The following AKT3 variants were observed in gnomAD, a reference collection of about 807,000 sequenced individuals.
The protein encoded by AKT3 is RAC-gamma serine/threonine-protein kinase.
AKT3 carries 15 observed loss-of-function variants against 65.3 expected under a neutral mutation model. That is an observed-to-expected ratio of 0.23 (90% CI 0.15 to 0.35). The LOEUF (loss-of-function observed/expected upper bound fraction) is 0.35. Ranked by LOEUF, AKT3 falls within the 10% of genes least tolerant of loss-of-function variation. The probability of loss-of-function intolerance (pLI) is 1.00; values close to 1 mark genes in which losing one functional copy is unlikely to be tolerated. For missense variants in AKT3, 243 were observed against 576.5 expected (o/e 0.42, Z 5.92); for synonymous variants, 206 against 183.8 (o/e 1.12, Z -0.98).
chr1:243,710,637 A>T (rs1314435541), intron 2 of AKT3, among the ~76,000 whole-genome samples: 1 of 152,216 alleles, frequency 6.6e-6, no homozygotes, highest in African/African-American at 2.4e-5. Flanking sequence ...CCGGATGAAA[A>T]CAATTTGAAA....
chr1:243,584,100 A>G (rs1675618739), intron 8 of AKT3, among the ~76,000 whole-genome samples: 1 of 152,158 alleles, frequency 6.6e-6, no homozygotes, highest in Non-Finnish European at 1.5e-5. Context: ...AAAAGAGAGA[A>G]GATATAAATA....
chr1:243,590,992 G>C (rs1676187449), intron 8 of AKT3, among the ~76,000 whole-genome samples: 1 of 151,608 alleles, frequency 6.6e-6, no homozygotes, highest in African/African-American at 2.4e-5. Context: ...CACAGGGAGA[G>C]GAAAACAAAA....
At chr1:243,679,516 G>A (rs1454606332) in intron 3 of AKT3, among the ~76,000 whole-genome samples, 1 of 152,176 alleles carries the variant, frequency 6.6e-6, no homozygotes, top group Non-Finnish European at 1.5e-5. Flanking sequence ...ATAAGACAAA[G>A]TTCTGTAAGT....
intron 2 of AKT3, among the ~76,000 whole-genome samples, chr1:243,769,733 T>C (rs1690057702): frequency 6.6e-6 from 1 of 152,238 alleles, no homozygotes; most frequent in Non-Finnish European, 1.5e-5. Context: ...TCCCATACTC[T>C]ATTCTTTTCA....
rs987784074 is a variant in AKT3, at chr1:243,499,927, CG to C, written c.*5321del. On this transcript the variant is annotated 3_prime_UTR_variant, in exon 14 of 14. Coordinates refer to ENST00000673466, the MANE Select transcript of AKT3 (RefSeq NM_005465.7). ...GCAGTGGGGCTGGTCCTCATCAACG[CG>C]GGCGCTGTCCCCGCACGCAGTCGGG... 7.9e-6 allele frequency: 6 copies of C among 762,950 alleles called. No homozygotes were observed. Among genetic ancestry groups the C allele is most frequent in the South Asian group, 7.3e-5 (5 of 68,684 alleles). The allele number at this position is 762,950 out of a possible 1,614,324, so 47.3% of individuals were successfully genotyped here.
intron 13 of AKT3, among the ~76,000 whole-genome samples, chr1:243,505,640 C>G (rs914079056): frequency 6.6e-6 from 1 of 152,208 alleles, no homozygotes; most frequent in African/African-American, 2.4e-5. Flanking sequence ...GAGCAGTCTT[C>G]AGTAACCTTT....
upstream of AKT3, among the ~76,000 whole-genome samples, chr1:243,850,604 C>T (rs963199404): frequency 8.6e-5 from 13 of 151,162 alleles, no homozygotes; most frequent in African/African-American, 3.2e-4. Flanking sequence ...TCGCCGTCGC[C>T]GCGGGGCTTG....
chr1:243,798,411 T>G (rs1487701181), intron 2 of AKT3, among the ~76,000 whole-genome samples: 2 of 136,682 alleles, frequency 1.5e-5, no homozygotes, highest in African/African-American at 2.7e-5. Context: ...TTTTTTTTTT[T>G]TTTTTTGTTT....
intron 6 of AKT3, among the ~76,000 whole-genome samples, chr1:243,629,277 AAAAATAAATAAGTAAAC>A (rs943743001): frequency 7.9e-5 from 12 of 152,322 alleles, no homozygotes; most frequent in African/African-American, 2.9e-4. Flanking sequence ...ACTCCATCTC[AAAAATAAATAAGTAAAC>A]AAAATAAATA....
At chr1:243,646,412 T>G (rs556971735) in intron 4 of AKT3, among the ~76,000 whole-genome samples, 1 of 152,082 alleles carries the variant, frequency 6.6e-6, no homozygotes, top group Non-Finnish European at 1.5e-5. Flanking sequence ...TGGAGTTCAA[T>G]AGCATGATCT....
chr1:243,563,626 A>G, intron 10 of AKT3, 94 bp downstream of exon 10: 1 of 1,423,656 alleles, frequency 7.0e-7, no homozygotes, highest in East Asian at 2.4e-5. Context: ...AGATAAAAGT[A>G]GTAGATACTA....
At chr1:243,679,370 C>A (rs998889680) in intron 3 of AKT3, among the ~76,000 whole-genome samples, 2 of 152,124 alleles carry the variant, frequency 1.3e-5, no homozygotes, top group East Asian at 3.9e-4. Flanking sequence ...TAAATTGATA[C>A]AAACAGGTGA....
At chr1:243,807,927 T>G (rs1296796995) in intron 2 of AKT3, among the ~76,000 whole-genome samples, 1 of 152,170 alleles carries the variant, frequency 6.6e-6, no homozygotes, top group Non-Finnish European at 1.5e-5. Flanking sequence ...AAACAGTGTC[T>G]GAAGTGGACC....
chr1:243,510,250 C>A (rs1235906077), intron 13 of AKT3, among the ~76,000 whole-genome samples: 1 of 152,132 alleles, frequency 6.6e-6, no homozygotes, highest in African/African-American at 2.4e-5. Context: ...TAGGCCCTCA[C>A]CATATTCTGT....
At chr1:243,535,841 C>G (rs750244292) in intron 12 of AKT3, among the ~76,000 whole-genome samples, 6 of 152,182 alleles carry the variant, frequency 3.9e-5, no homozygotes, top group Non-Finnish European at 7.4e-5. Flanking sequence ...TTCCCACCAA[C>G]AGCATGTAAG....
intron 2 of AKT3, among the ~76,000 whole-genome samples, chr1:243,772,227 G>A (rs1277046348): frequency 6.6e-6 from 1 of 151,992 alleles, no homozygotes; most frequent in African/African-American, 2.4e-5. Flanking sequence ...CACAGCAAAA[G>A]AAACTACCAT....
chr1:243,500,068 T>C lies in AKT3; in HGVS notation c.*5181A>G. 2.3e-6 allele frequency: 1 copy of C among 435,790 alleles called. No individual in the cohort carries two copies. The highest frequency in any genetic ancestry group is 1.9e-5 in the African/African-American group (1 of 51,454). 27.0% of individuals were successfully genotyped at this position (435,790 alleles called of 1,614,324 possible). A position where few individuals can be genotyped will look rare whatever the true frequency, so the allele number is the denominator to read the frequency against. On this transcript the variant is annotated 3_prime_UTR_variant, in exon 14 of 14. Coordinates refer to ENST00000673466, the MANE Select transcript of AKT3 (RefSeq NM_005465.7). ...CGTATGCTAGGTTATACATATGATT[T>C]TCAATAAATGAACTTTTTAAAGACT...
chr1:243,753,052 T>TTATG lies in AKT3; in HGVS notation c.47-57340_47-57337dup, dbSNP rs573303850. 7.0e-4 allele frequency among the ~76,000 whole-genome samples: 106 copies of TTATG among 152,336 alleles called. 1 individual carries two copies. In the South Asian group the frequency reaches 7.5e-3, roughly 11 times the overall value. ...AGGTCTTCATGCTTCCTCCATCATG[T>TTATG]TATGCCATTTTGATTTGCCTTAAGT... On this transcript the variant is annotated intron_variant, in intron 2 of 13. Transcript: ENST00000673466.
intron 2 of AKT3, among the ~76,000 whole-genome samples, chr1:243,775,544 C>T (rs1338949714): frequency 6.6e-6 from 1 of 152,168 alleles, no homozygotes; most frequent in Non-Finnish European, 1.5e-5. Context: ...GTCTCCTCCC[C>T]ACCTGTGGGA....
Sources: allele counts gnomAD v4.1 joint callset (sites outside exome capture counted in the v4.1 genomes callset), GRCh38; gene constraint gnomAD v4.1.1; transcripts MANE v1.5; gene names NCBI Gene and HGNC (gene_info 2026-07-23, HGNC 2026-07-21).